Variants in EBF1 observed in about 807,000 individuals in gnomAD.
The protein encoded by EBF1 is transcription factor COE1.
In EBF1, 10 loss-of-function variants were observed where a neutral mutation model predicts 68.4. The observed-to-expected ratio is 0.15, with a 90% CI of 0.09 to 0.25. The LOEUF (loss-of-function observed/expected upper bound fraction) is 0.25, where lower values mean the gene tolerates loss of function less well. Among genes scored for constraint, EBF1 ranks in the 10% least tolerant of loss-of-function variants. The pLI is 1.00. For missense variants in EBF1, 509 were observed against 794.4 expected (o/e 0.64, Z 4.32); for synonymous variants, 298 against 299.8 (o/e 0.99, Z 0.06).
At chr5:158,920,579 CTTCT>C (rs1808192333) in intron 6 of EBF1, among the ~76,000 whole-genome samples, 2 of 151,958 alleles carry the variant, frequency 1.3e-5, no homozygotes, top group Admixed American at 1.3e-4. Context: ...ACTTTTCTTT[CTTCT>C]TTTTTTTTTT....
At chr5:158,963,164 A>G (rs144671354) in intron 6 of EBF1, among the ~76,000 whole-genome samples, 1 of 152,286 alleles carries the variant, frequency 6.6e-6, no homozygotes, top group Non-Finnish European at 1.5e-5. Flanking sequence ...GATATTCACT[A>G]AAGAATACTA....
chr5:158,914,403 G>A (rs1047523462), intron 6 of EBF1, among the ~76,000 whole-genome samples: 2 of 152,142 alleles, frequency 1.3e-5, no homozygotes, highest in Admixed American at 6.5e-5. Context: ...CACTGGAGGG[G>A]AAAGGTTCAT....
chr5:158,778,373 G>A (rs1056906087), intron 9 of EBF1, among the ~76,000 whole-genome samples: 2 of 152,110 alleles, frequency 1.3e-5, no homozygotes, highest in African/African-American at 4.8e-5. Flanking sequence ...GACCTCTGAT[G>A]GTGCTGGATT....
chr5:158,900,907 T>TA (rs921848536), intron 6 of EBF1, among the ~76,000 whole-genome samples: 1 of 152,266 alleles, frequency 6.6e-6, no homozygotes, highest in Non-Finnish European at 1.5e-5. Context: ...AGAGATCTCT[T>TA]CATTAGTCAA....
intron 8 of EBF1, among the ~76,000 whole-genome samples, chr5:158,816,985 G>A (rs1432678): frequency 0.013 from 1,980 of 152,208 alleles, 17 homozygotes; most frequent in Non-Finnish European, 0.018. Flanking sequence ...GGCTTTCACC[G>A]GATCTGAGGA....
chr5:159,016,629 C>T (rs112533223), intron 6 of EBF1, among the ~76,000 whole-genome samples: 35 of 152,306 alleles, frequency 2.3e-4, no homozygotes, highest in African/African-American at 8.2e-4. Flanking sequence ...AACCTAGGCA[C>T]CAAGGACTCC....
intron 10 of EBF1, among the ~76,000 whole-genome samples, chr5:158,749,929 A>G (rs1037796421): frequency 6.6e-6 from 1 of 152,096 alleles, no homozygotes; most frequent in Non-Finnish European, 1.5e-5. Context: ...ATCTTTTCTC[A>G]TGATGACATC....
intron 6 of EBF1, among the ~76,000 whole-genome samples, chr5:158,897,347 A>T (rs1802371488): frequency 1.3e-5 from 2 of 152,126 alleles, no homozygotes; most frequent in African/African-American, 4.8e-5. Flanking sequence ...TCTCACTTAC[A>T]AGTGGAAGCT....
chr5:158,837,563 C>G (rs568158608), intron 7 of EBF1, among the ~76,000 whole-genome samples: 2 of 152,310 alleles, frequency 1.3e-5, no homozygotes, highest in East Asian at 3.9e-4. Context: ...CTCATCTCAG[C>G]AGCCTTTCTA....
At chr5:158,894,621 A>G (rs1280155650) in intron 6 of EBF1, among the ~76,000 whole-genome samples, 1 of 152,182 alleles carries the variant, frequency 6.6e-6, no homozygotes, top group East Asian at 1.9e-4. Flanking sequence ...GTTGTTTTAC[A>G]GGCAAGATTA....
intron 6 of EBF1, among the ~76,000 whole-genome samples, chr5:158,904,345 C>A (rs569661982): frequency 6.6e-6 from 1 of 152,314 alleles, no homozygotes; most frequent in African/African-American, 2.4e-5. Context: ...GTGCTGCCAC[C>A]TTTGCCTCTG....
chr5:158,870,436 C>T (rs976985720), intron 6 of EBF1, among the ~76,000 whole-genome samples: 1 of 152,130 alleles, frequency 6.6e-6, no homozygotes, highest in African/African-American at 2.4e-5. Context: ...GTATTACCAG[C>T]ACTTTAGGAG....
At chr5:158,861,451 A>C (rs766273054) in intron 6 of EBF1, among the ~76,000 whole-genome samples, 1 of 152,200 alleles carries the variant, frequency 6.6e-6, no homozygotes, top group Non-Finnish European at 1.5e-5. Flanking sequence ...ATAAATGTCC[A>C]CAAAGAACAA....
At chr5:159,049,491 A>G (rs1247883986) in intron 6 of EBF1, among the ~76,000 whole-genome samples, 1 of 152,240 alleles carries the variant, frequency 6.6e-6, no homozygotes, top group African/African-American at 2.4e-5. Flanking sequence ...CTGAACCACT[A>G]TGAAAGGAAA....
intron 6 of EBF1, among the ~76,000 whole-genome samples, chr5:158,861,647 C>G (rs1400480187): frequency 6.6e-6 from 1 of 152,198 alleles, no homozygotes. Flanking sequence ...TAATGCTCCT[C>G]TGCTGCTTAA....
At chr5:159,065,054 C>T (rs1162586990) in intron 6 of EBF1, among the ~76,000 whole-genome samples, 1 of 151,212 alleles carries the variant, frequency 6.6e-6, no homozygotes, top group African/African-American at 2.4e-5. Flanking sequence ...AATAGTGCAC[C>T]CAAGAGTGTT....
intron 6 of EBF1, among the ~76,000 whole-genome samples, chr5:158,903,364 C>G (rs1460521491): frequency 6.6e-6 from 1 of 152,086 alleles, no homozygotes; most frequent in Non-Finnish European, 1.5e-5. Context: ...GGGTCAGGAA[C>G]GTGCCCTTAT....
At chr5:159,047,907 A>G (rs1390986746) in intron 6 of EBF1, among the ~76,000 whole-genome samples, 3 of 152,214 alleles carry the variant, frequency 2.0e-5, no homozygotes, top group Non-Finnish European at 4.4e-5. Context: ...ACACATGTTC[A>G]GCATCTTACA....
intron 10 of EBF1, among the ~76,000 whole-genome samples, chr5:158,745,945 T>C (rs1767465432): frequency 6.6e-6 from 1 of 152,140 alleles, no homozygotes. Flanking sequence ...TGGAATAATG[T>C]GGGTGAGTGT....
Sources: gnomAD v4.1 joint callset for allele counts (sites outside exome capture counted in the v4.1 genomes callset) on GRCh38, gnomAD v4.1.1 for gene constraint, MANE v1.5 for transcripts, NCBI Gene and HGNC (gene_info 2026-07-23, HGNC 2026-07-21) for gene names.